The following RANBP2 variants were observed in gnomAD, a reference collection of about 807,000 sequenced individuals.
RANBP2 encodes E3 SUMO-protein ligase RanBP2.
RANBP2 carries 57 observed loss-of-function variants against 303.6 expected under a neutral mutation model. The ratio of observed to expected loss-of-function variants is 0.19; its 90% CI spans 0.15 to 0.23. The LOEUF (loss-of-function observed/expected upper bound fraction) is 0.23, where lower values mean the gene tolerates loss of function less well. Among genes scored for constraint, RANBP2 ranks in the 10% least tolerant of loss-of-function variants. RANBP2 has a pLI of 1.00. For missense variants in RANBP2, 3,138 were observed against 3,780.8 expected (o/e 0.83, Z 4.46); for synonymous variants, 1,167 against 1,301.5 (o/e 0.90, Z 2.23).
At chr2:108,787,002 C>T, downstream of RANBP2, 10 of 889,556 alleles carry the variant, frequency 1.1e-5, no homozygotes, top group Non-Finnish European at 1.4e-5. Flanking sequence ...CCTGGGGGCG[C>T]GCAGCGGCTC....
chr2:109,234,297 A>G, the RANBP2 span, among the ~76,000 whole-genome samples: 1 of 152,266 alleles, frequency 6.6e-6, no homozygotes, highest in Non-Finnish European at 1.5e-5. Flanking sequence ...TGGACAGTTC[A>G]TATAGGAAAA....
At chr2:109,354,368 A>G in the RANBP2 span, among the ~76,000 whole-genome samples, 1 of 152,146 alleles carries the variant, frequency 6.6e-6, no homozygotes, top group East Asian at 1.9e-4. Flanking sequence ...CTTCTAGGAA[A>G]CCACTCGACT....
At chr2:109,209,531 C>G in the RANBP2 span, among the ~76,000 whole-genome samples, 1 of 152,082 alleles carries the variant, frequency 6.6e-6, no homozygotes, top group Admixed American at 6.5e-5. Flanking sequence ...GAGAACTGTG[C>G]AGTGTGTTAT....
At chr2:108,769,666 T>C (rs1677360624) in intron 20 of RANBP2, among the ~76,000 whole-genome samples, 1 of 152,166 alleles carries the variant, frequency 6.6e-6, no homozygotes, top group African/African-American at 2.4e-5. Flanking sequence ...GGCAACGGCA[T>C]GTATACAATA....
At chr2:109,656,478 C>A in the RANBP2 span, among the ~76,000 whole-genome samples, 2 of 152,290 alleles carry the variant, frequency 1.3e-5, no homozygotes, top group South Asian at 4.1e-4. Flanking sequence ...GCTGGGATCA[C>A]AGGTATGTGC....
chr2:109,388,748 C>T, the RANBP2 span, among the ~76,000 whole-genome samples: 1 of 152,200 alleles, frequency 6.6e-6, no homozygotes, highest in African/African-American at 2.4e-5. Context: ...CTCTAATCCT[C>T]AGACCTCCAA....
At chr2:109,237,688 A>T in the RANBP2 span, among the ~76,000 whole-genome samples, 3 of 152,208 alleles carry the variant, frequency 2.0e-5, no homozygotes, top group Non-Finnish European at 4.4e-5. Flanking sequence ...AGTGTGGCCC[A>T]GGGAAGACAA....
At chr2:108,958,917 C>G in the RANBP2 span, among the ~76,000 whole-genome samples, 2 of 152,136 alleles carry the variant, frequency 1.3e-5, no homozygotes, top group East Asian at 3.9e-4. Context: ...CATGAGAGAA[C>G]CTGGGAGCCA....
the RANBP2 span, among the ~76,000 whole-genome samples, chr2:109,416,422 C>G: frequency 6.6e-6 from 1 of 152,086 alleles, no homozygotes; most frequent in African/African-American, 2.4e-5. Flanking sequence ...TGGCGAAACC[C>G]CCCCGTTTCT....
the RANBP2 span, among the ~76,000 whole-genome samples, chr2:109,081,389 C>A: frequency 1.3e-5 from 2 of 152,014 alleles, no homozygotes. Flanking sequence ...GGGAGCTGCC[C>A]GAGGCTGTTT....
chr2:109,594,001 A>G, the RANBP2 span, among the ~76,000 whole-genome samples: 1 of 152,216 alleles, frequency 6.6e-6, no homozygotes, highest in Non-Finnish European at 1.5e-5. Context: ...AAAAATTCAG[A>G]TTCTGAAAGG....
chr2:109,179,463 C>T, the RANBP2 span, among the ~76,000 whole-genome samples: 1 of 152,088 alleles, frequency 6.6e-6, no homozygotes, highest in Non-Finnish European at 1.5e-5. Flanking sequence ...GTGTCCTTGT[C>T]TTTGTGTGTT....
the RANBP2 span, among the ~76,000 whole-genome samples, chr2:109,146,197 A>G: frequency 2.0e-5 from 3 of 152,142 alleles, no homozygotes; most frequent in Non-Finnish European, 4.4e-5. Context: ...AATAATGGCC[A>G]TTATTATTGG....
At chr2:109,722,726 C>T in the RANBP2 span, among the ~76,000 whole-genome samples, 1 of 152,192 alleles carries the variant, frequency 6.6e-6, no homozygotes, top group Non-Finnish European at 1.5e-5. Flanking sequence ...TAAGTGAGAA[C>T]ATGTGTTTTG....
the RANBP2 span, among the ~76,000 whole-genome samples, chr2:109,720,236 TAC>T: frequency 2.8e-4 from 42 of 151,880 alleles, no homozygotes; most frequent in African/African-American, 1.0e-3. Context: ...TATATATATA[TAC>T]ACACACATAT....
the RANBP2 span, among the ~76,000 whole-genome samples, chr2:108,950,926 G>A: frequency 6.6e-6 from 1 of 152,248 alleles, no homozygotes; most frequent in African/African-American, 2.4e-5. Context: ...CCTTGCATGA[G>A]GCAGGCTTCT....
chr2:109,672,427 G>T, the RANBP2 span, among the ~76,000 whole-genome samples: 1 of 152,112 alleles, frequency 6.6e-6, no homozygotes, highest in African/African-American at 2.4e-5. Context: ...GAGCAAATCT[G>T]GTTCATCACC....
the RANBP2 span, chr2:108,794,376 C>T: frequency 1.8e-5 from 4 of 226,300 alleles, no homozygotes; most frequent in African/African-American, 7.0e-5. Flanking sequence ...CCCAAATTTT[C>T]GATGTTACCA....
chr2:108,821,043 G>A, the RANBP2 span, among the ~76,000 whole-genome samples: 1 of 152,100 alleles, frequency 6.6e-6, no homozygotes, highest in Non-Finnish European at 1.5e-5. Flanking sequence ...GTCTATGTTA[G>A]GGGTTAATAC....
Sources: gnomAD v4.1 joint callset for allele counts (sites outside exome capture counted in the v4.1 genomes callset) on GRCh38, gnomAD v4.1.1 for gene constraint, MANE v1.5 for transcripts, NCBI Gene and HGNC (gene_info 2026-07-23, HGNC 2026-07-21) for gene names.